BORCS5: variants seen among roughly 807,000 people sequenced by gnomAD.
BORCS5 encodes BLOC-1 related complex subunit 5.
In BORCS5, 17 loss-of-function variants were observed where a neutral mutation model predicts 22.1. The ratio of observed to expected loss-of-function variants is 0.77; its 90% confidence interval spans 0.53 to 1.15. The LOEUF (loss-of-function observed/expected upper bound fraction) is 1.15. Ranked by LOEUF, BORCS5 falls within the 50% of genes most tolerant of loss-of-function variation. BORCS5 has a pLI of 0.00. For synonymous variants in BORCS5, 117 were observed against 99.8 expected (o/e 1.17, Z -1.03); for missense variants, 247 against 253.2 (o/e 0.98, Z 0.17).
intron 3 of BORCS5, among the ~76,000 whole-genome samples, chr12:12,443,698 C>T (rs1942728509): frequency 6.6e-6 from 1 of 152,242 alleles, no homozygotes; most frequent in Admixed American, 6.5e-5. Flanking sequence ...TATTTGACTG[C>T]TCTGAGATTT....
chr12:12,396,113 G>A (rs767774666), intron 2 of BORCS5, among the ~76,000 whole-genome samples: 5 of 152,010 alleles, frequency 3.3e-5, no homozygotes, highest in Non-Finnish European at 5.9e-5. Flanking sequence ...TCAGCCTCCC[G>A]TGTAGCTGAG....
chr12:12,437,888 G>A (rs577817829), intron 3 of BORCS5, among the ~76,000 whole-genome samples: 1 of 152,014 alleles, frequency 6.6e-6, no homozygotes, highest in African/African-American at 2.4e-5. Context: ...TCAGCTTCCT[G>A]AGTAGCTTAG....
intron 2 of BORCS5, among the ~76,000 whole-genome samples, chr12:12,414,735 C>G (rs1249549598): frequency 1.9e-4 from 25 of 132,454 alleles, no homozygotes; most frequent in Admixed American, 1.4e-4. Flanking sequence ...CGGGCGGAGA[C>G]GCTCCTCACT....
chr12:12,465,550 A>G lies in BORCS5; in HGVS notation c.365A>G (p.Asp122Gly). ...ACTTCTCTTTCCCATCCACAGATGG[A>G]TCTGTCTGTAGAAACTCTGTTCAGC... ...NALVKRIKEM[D>G]LSVETLFSFM... is the part of the protein sequence containing the mutation. The change falls in exon 4 of 4, where the codon GAT becomes GGT. Residue 122 changes from aspartate (D) to glycine (G), a missense_variant. Coordinates refer to ENST00000314565, the MANE Select transcript of BORCS5 (RefSeq NM_058169.6). 3.1e-6 allele frequency: 5 copies of G among 1,614,156 alleles called. No homozygotes were observed. Among genetic ancestry groups the G allele is most frequent in the Non-Finnish European group, 4.2e-6 (5 of 1,179,986 alleles).
chr12:12,382,022 G>A (rs188483591), intron 2 of BORCS5, among the ~76,000 whole-genome samples: 48 of 151,368 alleles, frequency 3.2e-4, no homozygotes, highest in Admixed American at 7.2e-4. Context: ...ATGAAACACC[G>A]TTCTCTAATA....
intron 2 of BORCS5, among the ~76,000 whole-genome samples, chr12:12,419,859 G>A (rs552214541): frequency 6.6e-6 from 1 of 152,240 alleles, no homozygotes; most frequent in South Asian, 2.1e-4. Flanking sequence ...AGGAGTGTCT[G>A]TTCATATCTT....
At chr12:12,418,240 T>C (rs974235682) in intron 2 of BORCS5, among the ~76,000 whole-genome samples, 9 of 151,044 alleles carry the variant, frequency 6.0e-5, no homozygotes, top group African/African-American at 2.2e-4. Flanking sequence ...GGGGTTTCAC[T>C]GTGTTGCCAG....
chr12:12,459,404 A>G (rs1943061187), intron 3 of BORCS5, among the ~76,000 whole-genome samples: 1 of 151,098 alleles, frequency 6.6e-6, no homozygotes, highest in South Asian at 2.1e-4. Flanking sequence ...TCTACCTTCC[A>G]GGTTCAAGTG....
intron 2 of BORCS5, among the ~76,000 whole-genome samples, chr12:12,400,755 C>G (rs1356495067): frequency 1.3e-5 from 2 of 152,196 alleles, no homozygotes; most frequent in Non-Finnish European, 2.9e-5. Context: ...ATATTCCCTC[C>G]TCCTCCCACT....
rs114881758 is a variant in BORCS5 at position 12,433,304 on chromosome 12, C to A, written c.203-2324C>A. Among the ~76,000 whole-genome samples, 950 of 117,288 alleles carry A rather than the reference C, an allele frequency of 8.1e-3. 11 individuals are homozygous for A. The highest frequency in any genetic ancestry group is 0.03 in the African/African-American group (893 of 29,570). The allele number at this position is 117,288 out of a possible 152,430, so 76.9% of individuals were successfully genotyped here. ...TTCCACTGTGCTCCAGCCTGGAAGA[C>A]AGAGCGAGACTGTGTCTCAAAAAAA... On this transcript the variant is annotated intron_variant, in intron 2 of 3. Coordinates refer to ENST00000314565, the MANE Select transcript of BORCS5 (RefSeq NM_058169.6).
At chr12:12,368,997 GATTT>G (rs1863464324) in intron 2 of BORCS5, among the ~76,000 whole-genome samples, 1 of 151,980 alleles carries the variant, frequency 6.6e-6, no homozygotes, top group Non-Finnish European at 1.5e-5. Flanking sequence ...TGTGCATATT[GATTT>G]ATTTCATTAA....
intron 2 of BORCS5, among the ~76,000 whole-genome samples, chr12:12,366,709 C>T (rs982667034): frequency 6.6e-6 from 1 of 152,000 alleles, no homozygotes; most frequent in Admixed American, 6.6e-5. Context: ...TTAATGAATC[C>T]CACTCTATTG....
At chr12:12,370,886 C>G (rs1251998882) in intron 2 of BORCS5, among the ~76,000 whole-genome samples, 3 of 151,870 alleles carry the variant, frequency 2.0e-5, no homozygotes, top group Middle Eastern at 3.2e-3. Context: ...GTAGCTGGGA[C>G]TACAGGCGCC....
intron 3 of BORCS5, among the ~76,000 whole-genome samples, chr12:12,440,202 T>G (rs1433555469): frequency 6.6e-6 from 1 of 152,238 alleles, no homozygotes; most frequent in African/African-American, 2.4e-5. Flanking sequence ...TCAGCTTTCC[T>G]TATGTTAAAT....
At chr12:12,398,921 A>G (rs570723466) in intron 2 of BORCS5, among the ~76,000 whole-genome samples, 2 of 152,250 alleles carry the variant, frequency 1.3e-5, no homozygotes, top group East Asian at 3.9e-4. Flanking sequence ...AGAGTGGGAG[A>G]GACGGTTGGG....
chr12:12,390,424 G>A (rs1040329448), intron 2 of BORCS5, among the ~76,000 whole-genome samples: 1 of 151,996 alleles, frequency 6.6e-6, no homozygotes, highest in Admixed American at 6.6e-5. Flanking sequence ...ACAGAACATT[G>A]CAAAATGCTT....
intron 2 of BORCS5, among the ~76,000 whole-genome samples, chr12:12,432,832 T>C (rs972990832): frequency 7.2e-5 from 11 of 152,148 alleles, no homozygotes; most frequent in Non-Finnish European, 4.4e-5. Context: ...AGGACAAAAT[T>C]TTAGAAATGT....
chr12:12,400,442 T>C (rs997757948), intron 2 of BORCS5, among the ~76,000 whole-genome samples: 2 of 152,118 alleles, frequency 1.3e-5, no homozygotes, highest in African/African-American at 4.8e-5. Context: ...CCATGGGAAG[T>C]GGAGCCATAG....
chr12:12,398,694 T>G (rs755884358), intron 2 of BORCS5, among the ~76,000 whole-genome samples: 1 of 152,194 alleles, frequency 6.6e-6, no homozygotes, highest in Non-Finnish European at 1.5e-5. Flanking sequence ...AATGAGAATT[T>G]CCAAACACTA....
Sources: gnomAD v4.1 joint callset for allele counts (sites outside exome capture counted in the v4.1 genomes callset) on GRCh38, gnomAD v4.1.1 for gene constraint, MANE v1.5 for transcripts, NCBI Gene and HGNC (gene_info 2026-07-23, HGNC 2026-07-21) for gene names.